Variants in KDM4C observed in about 807,000 individuals in gnomAD.
KDM4C encodes the protein lysine demethylase 4C.
In KDM4C, 81 loss-of-function variants were observed where a neutral mutation model predicts 129.3. That is an observed-to-expected ratio of 0.63 (90% CI 0.52 to 0.75). KDM4C has a LOEUF of 0.75. Ranked by LOEUF, KDM4C falls within the 30% of genes least tolerant of loss-of-function variation. KDM4C has a pLI of 0.00. For synonymous variants in KDM4C, 573 were observed against 456.1 expected, an observed-to-expected ratio of 1.26 and a Z score of -3.26; for missense variants, 1,457 against 1,304.0, an observed-to-expected ratio of 1.12 and a Z score of -1.81.
At chr9:6,876,797 A>G (rs1843631435) in intron 5 of KDM4C, among the ~76,000 whole-genome samples, 1 of 152,054 alleles carries the variant, frequency 6.6e-6, no homozygotes, top group Admixed American at 6.5e-5. Flanking sequence ...ACACACATAG[A>G]CTGCAGGTTT....
intron 15 of KDM4C, among the ~76,000 whole-genome samples, chr9:7,045,529 A>G (rs779940351): frequency 4.6e-5 from 7 of 151,994 alleles, no homozygotes; most frequent in Non-Finnish European, 1.0e-4. Flanking sequence ...CAGTATTTGG[A>G]TTGTGAAATT....
intron 2 of KDM4C, among the ~76,000 whole-genome samples, chr9:6,799,258 A>C (rs898395279): frequency 9.9e-5 from 15 of 152,148 alleles, no homozygotes; most frequent in Non-Finnish European, 1.5e-4. Flanking sequence ...ACGCCACTGC[A>C]CTCCAGCCTG....
chr9:6,912,380 G>C (rs1819482707), intron 8 of KDM4C, among the ~76,000 whole-genome samples: 2 of 152,196 alleles, frequency 1.3e-5, no homozygotes, highest in South Asian at 4.1e-4. Context: ...TGCTGGAGAA[G>C]ATGTACACAC....
At chr9:6,787,070 A>G (rs1345009877) in intron 1 of KDM4C, among the ~76,000 whole-genome samples, 5 of 152,216 alleles carry the variant, frequency 3.3e-5, no homozygotes, top group Admixed American at 6.5e-5. Flanking sequence ...GTAGGTAGAA[A>G]TAGTTTTGTG....
At chr9:6,808,896 G>C (rs1830635716) in intron 3 of KDM4C, among the ~76,000 whole-genome samples, 1 of 151,852 alleles carries the variant, frequency 6.6e-6, no homozygotes, top group Admixed American at 6.6e-5. Context: ...AAAAAATTCT[G>C]ATATGATAAT....
At chr9:7,033,654 C>T (rs570780916) in intron 15 of KDM4C, among the ~76,000 whole-genome samples, 3 of 152,160 alleles carry the variant, frequency 2.0e-5, no homozygotes, top group African/African-American at 7.2e-5. Flanking sequence ...CTCAATAACA[C>T]CCCCCACCTC....
chr9:7,098,098 G>T (rs1001433304), intron 17 of KDM4C, among the ~76,000 whole-genome samples: 1 of 152,168 alleles, frequency 6.6e-6, no homozygotes, highest in African/African-American at 2.4e-5. Flanking sequence ...TTGTTAATTT[G>T]TCTGTTTGTG....
chr9:7,058,466 T>A (rs1023325019), intron 17 of KDM4C, among the ~76,000 whole-genome samples: 1 of 152,230 alleles, frequency 6.6e-6, no homozygotes, highest in Non-Finnish European at 1.5e-5. Flanking sequence ...ACTACCAATA[T>A]AATGTGAACC....
At chr9:6,750,425 T>A (rs939260126) in intron 1 of KDM4C, among the ~76,000 whole-genome samples, 1 of 149,744 alleles carries the variant, frequency 6.7e-6, no homozygotes, top group Non-Finnish European at 1.5e-5. Context: ...GGTGACAGAT[T>A]GAGACTCTGT....
rs192017661 is a variant in KDM4C at position 6,869,882 on chromosome 9, C to T, written c.630-10130C>T. Among the ~76,000 whole-genome samples, 36 of 152,366 alleles carry T rather than the reference C, an allele frequency of 2.4e-4. No individual in the cohort carries two copies. In the South Asian group the frequency reaches 6.8e-3, roughly 29 times the overall value. ...TGAAAATTAAGTATGCAATGTTCTA[C>T]TTTCCACAGTTAACTAACAAGACTT... On this transcript the variant is annotated intron_variant, in intron 5 of 21. Transcript: ENST00000381309.
chr9:6,954,200 T>C (rs767634629), intron 8 of KDM4C, among the ~76,000 whole-genome samples: 6 of 152,214 alleles, frequency 3.9e-5, no homozygotes, highest in Non-Finnish European at 8.8e-5. Context: ...TCTTTCAGTG[T>C]CTAGTTCAAA....
intron 12 of KDM4C, among the ~76,000 whole-genome samples, chr9:6,994,451 T>A (rs1488816203): frequency 6.6e-6 from 1 of 152,216 alleles, no homozygotes; most frequent in East Asian, 1.9e-4. Flanking sequence ...AGACTCCATA[T>A]GTGCTTGGTT....
At chr9:7,145,266 C>G (rs562837549) in intron 19 of KDM4C, among the ~76,000 whole-genome samples, 1 of 152,260 alleles carries the variant, frequency 6.6e-6, no homozygotes, top group South Asian at 2.1e-4. Flanking sequence ...ATTCTCTATG[C>G]TTTGGTGAAG....
At chr9:6,832,799 C>T (rs1258535352) in intron 4 of KDM4C, among the ~76,000 whole-genome samples, 3 of 146,710 alleles carry the variant, frequency 2.0e-5, no homozygotes, top group Non-Finnish European at 4.4e-5. Flanking sequence ...GCAATCTCAG[C>T]TCACTGCAAC....
chr9:7,011,610 T>A (rs1234662846), intron 12 of KDM4C, 88 bp from the exon 13 acceptor site: 3 of 1,209,042 alleles, frequency 2.5e-6, no homozygotes, highest in Non-Finnish European at 3.6e-6. Context: ...TATCACAGAT[T>A]CTGTGGAATG....
intron 1 of KDM4C, among the ~76,000 whole-genome samples, chr9:6,781,607 C>G (rs942751940): frequency 3.9e-5 from 6 of 152,016 alleles, no homozygotes; most frequent in Non-Finnish European, 8.8e-5. Flanking sequence ...AGCTAAATCA[C>G]CAACAGACAG....
chr9:7,034,514 T>C lies in KDM4C; in HGVS notation c.2260-12348T>C, dbSNP rs564613021. 7.9e-5 allele frequency among the ~76,000 whole-genome samples: 12 copies of C among 152,358 alleles called. 1 individual carries two copies. The South Asian group carries it at 2.5e-3, about 32-fold the overall frequency. On this transcript the variant is annotated intron_variant, in intron 15 of 21. Transcript: ENST00000381309. Reference sequence around the variant, plus strand: ...ATGTCCTCCAGTTCCTTCCATGTTGTTGCAAATGACAAGATTTCATTCCAT... The same window carrying C: ...ATGTCCTCCAGTTCCTTCCATGTTGCTGCAAATGACAAGATTTCATTCCAT...
intron 17 of KDM4C, among the ~76,000 whole-genome samples, chr9:7,065,442 T>C (rs777232323): frequency 8.5e-5 from 13 of 152,166 alleles, no homozygotes; most frequent in Admixed American, 3.3e-4. Flanking sequence ...TTGCTTATAA[T>C]TGAATTTAGA....
At chr9:7,025,987 T>G (rs1438841674) in intron 15 of KDM4C, among the ~76,000 whole-genome samples, 2 of 152,082 alleles carry the variant, frequency 1.3e-5, no homozygotes, top group Non-Finnish European at 2.9e-5. Context: ...GGCTGATCCC[T>G]TGAGGTCAGG....
Sources: gnomAD v4.1 joint callset for allele counts (sites outside exome capture counted in the v4.1 genomes callset) on GRCh38, gnomAD v4.1.1 for gene constraint, MANE v1.5 for transcripts, NCBI Gene and HGNC (gene_info 2026-07-23, HGNC 2026-07-21) for gene names.